ATF7IP2: variants seen among roughly 807,000 people sequenced by gnomAD.
The protein encoded by ATF7IP2 is activating transcription factor 7-interacting protein 2.
ATF7IP2 carries 42 observed loss-of-function variants against 64.2 expected under a neutral mutation model. That is an observed-to-expected ratio of 0.65 (90% CI 0.51 to 0.85). The LOEUF is 0.85. Among genes scored for constraint, ATF7IP2 ranks in the 40% least tolerant of loss-of-function variants. The pLI, the probability that ATF7IP2 is intolerant of heterozygous loss-of-function variation, is 0.00. For missense variants in ATF7IP2, 933 were observed against 784.2 expected (o/e 1.19, Z -2.27); for synonymous variants, 308 against 272.8 (o/e 1.13, Z -1.27).
intron 3 of ATF7IP2, among the ~76,000 whole-genome samples, chr16:10,420,455 C>A (rs138202413): frequency 6.6e-6 from 1 of 152,216 alleles, no homozygotes. Flanking sequence ...AGTTGGGCAT[C>A]GCTGGATAAT....
chr16:10,439,809 C>A (rs1353816541), intron 7 of ATF7IP2, among the ~76,000 whole-genome samples: 4 of 149,544 alleles, frequency 2.7e-5, no homozygotes, highest in South Asian at 2.2e-4. Flanking sequence ...GCTGGAATTA[C>A]AGGCGTGAGC....
chr16:10,389,522 C>G (rs1315244996), intron 1 of ATF7IP2, among the ~76,000 whole-genome samples: 1 of 152,102 alleles, frequency 6.6e-6, no homozygotes, highest in Non-Finnish European at 1.5e-5. Flanking sequence ...CCCCTACCAT[C>G]CAATTAAAAT....
chr16:10,417,710 T>A (rs2047907522), intron 2 of ATF7IP2, among the ~76,000 whole-genome samples: 1 of 152,120 alleles, frequency 6.6e-6, no homozygotes, highest in Non-Finnish European at 1.5e-5. Flanking sequence ...GGACCCACAA[T>A]AGCCAAAACA....
At chr16:10,448,247 C>T (rs956701874) in intron 8 of ATF7IP2, 9 of 152,178 alleles carry the variant, frequency 5.9e-5, no homozygotes, top group African/African-American at 1.9e-4. Flanking sequence ...ACTGTCTTGG[C>T]TATATGGGCT....
chr16:10,455,848 T>A (rs2049145727), intron 8 of ATF7IP2, among the ~76,000 whole-genome samples: 1 of 152,120 alleles, frequency 6.6e-6, no homozygotes, highest in South Asian at 2.1e-4. Context: ...AGGATACATG[T>A]TATTGGAAAC....
In ATF7IP2 at chr16:10,431,359, G is replaced by A; in HGVS notation, c.739G>A (p.Asp247Asn). The A allele has an allele frequency of 1.2e-6, 2 of 1,614,176 alleles. No homozygotes were observed. The highest frequency in any genetic ancestry group is 3.3e-5 in the Admixed American group (2 of 60,024). ...NSVTSNNCAD[D>N]ILKTDECSRT... ...AGTCACTTCTAACAACTGTGCTGAT[G>A]ACATTTTGAAAACTGATGAGTGTAG... Residue 247 changes from aspartate to asparagine, a missense_variant, in exon 5 of 14, where the codon GAC (aspartate) becomes AAC (asparagine). By Grantham distance (23) the Asp-to-Asn change is conservative (BLOSUM62 1). Transcript: ENST00000562102.
At chr16:10,399,532 A>G (rs773469358) in intron 1 of ATF7IP2, among the ~76,000 whole-genome samples, 1 of 152,168 alleles carries the variant, frequency 6.6e-6, no homozygotes, top group Non-Finnish European at 1.5e-5. Context: ...TTCTCTGTTC[A>G]GTTGATCTGT....
intron 4 of ATF7IP2, among the ~76,000 whole-genome samples, chr16:10,429,542 G>A (rs999186633): frequency 2.0e-5 from 3 of 151,972 alleles, no homozygotes; most frequent in Admixed American, 1.3e-4. Flanking sequence ...TAGAGATGGC[G>A]TTTTGCCCTG....
intron 1 of ATF7IP2, among the ~76,000 whole-genome samples, chr16:10,402,928 A>C (rs999027909): frequency 6.6e-6 from 1 of 150,948 alleles, no homozygotes; most frequent in African/African-American, 2.4e-5. Flanking sequence ...AAAAATGTTG[A>C]GTCTTGTTTT....
chr16:10,425,899 A>G (rs2048076133), intron 3 of ATF7IP2, among the ~76,000 whole-genome samples: 1 of 152,182 alleles, frequency 6.6e-6, no homozygotes, highest in Admixed American at 6.5e-5. Flanking sequence ...ATCTCAAAAA[A>G]AAAAAAAGTT....
At chr16:10,386,401 C>G (rs1235949798) in intron 1 of ATF7IP2, 1 of 152,356 alleles carries the variant, frequency 6.6e-6, no homozygotes, top group African/African-American at 2.4e-5. Flanking sequence ...CCGGGCGGCA[C>G]TGGGGTTAGG....
At chr16:10,423,481 C>G (rs957501240) in intron 3 of ATF7IP2, among the ~76,000 whole-genome samples, 2 of 152,140 alleles carry the variant, frequency 1.3e-5, no homozygotes, top group African/African-American at 4.8e-5. Context: ...ACTGCCAAGC[C>G]TCTATATCAC....
intron 8 of ATF7IP2, 91 bp from the exon 9 acceptor site, chr16:10,457,281 A>C (rs757903803): frequency 9.0e-7 from 1 of 1,115,672 alleles, no homozygotes; most frequent in Non-Finnish European, 1.3e-6. Flanking sequence ...TGCCATATGT[A>C]TGCAAGAATA....
At chr16:10,427,908 A>C (rs936016130) in intron 3 of ATF7IP2, among the ~76,000 whole-genome samples, 1 of 152,144 alleles carries the variant, frequency 6.6e-6, no homozygotes, top group African/African-American at 2.4e-5. Context: ...AAATGATCAG[A>C]TAAACAAATT....
chr16:10,387,221 A>G (rs1312860459), intron 1 of ATF7IP2: 1 of 152,258 alleles, frequency 6.6e-6, no homozygotes. Context: ...TATCACAGGA[A>G]AGCAATTGAA....
At chr16:10,473,724 T>G (rs1009263099) in intron 11 of ATF7IP2, among the ~76,000 whole-genome samples, 190 bp downstream of exon 11, 4 of 152,208 alleles carry the variant, frequency 2.6e-5, no homozygotes, top group African/African-American at 9.6e-5. Flanking sequence ...CTTAGTCATA[T>G]TCTCAGAAAC....
intron 3 of ATF7IP2, among the ~76,000 whole-genome samples, chr16:10,420,807 C>T (rs996676957): frequency 6.6e-6 from 1 of 152,158 alleles, no homozygotes; most frequent in Non-Finnish European, 1.5e-5. Context: ...CAGTCAATAC[C>T]TCAATTACAG....
Position 10,483,022 on chromosome 16 carries a change from A to AAAG in ATF7IP2, c.*775_*777dup, listed in dbSNP as rs2050293252. On this transcript the variant is annotated 3_prime_UTR_variant, in exon 14 of 14. Coordinates refer to ENST00000562102, the MANE Select transcript of ATF7IP2 (RefSeq NM_001393719.1). Reference sequence around the variant, plus strand: ...AGCCACCATGCCTGGCCAAAAATTAAAAGATTTTATGAAACGAAATGGCTT... The same window carrying AAAG: ...AGCCACCATGCCTGGCCAAAAATTAAAAGAAGATTTTATGAAACGAAATGGCTT... 1 of 152,212 alleles carries AAAG rather than the reference A, an allele frequency of 6.6e-6. No homozygotes were observed. Among genetic ancestry groups the AAAG allele is most frequent in the African/African-American group, 2.4e-5 (1 of 41,450 alleles). 9.4% of individuals were successfully genotyped at this position (152,212 alleles called of 1,614,324 possible).
chr16:10,470,827 ATATATATATATGTGTGTGTATATATATG>A (rs1414130133), intron 9 of ATF7IP2, among the ~76,000 whole-genome samples: 2 of 139,902 alleles, frequency 1.4e-5, no homozygotes, highest in African/African-American at 5.9e-5. Context: ...GTGTGTGTAT[ATATATATATATGTGTGTGTATATATATG>A]TGTGTGTGTG....
Sources: allele counts gnomAD v4.1 joint callset (sites outside exome capture counted in the v4.1 genomes callset), GRCh38; gene constraint gnomAD v4.1.1; transcripts MANE v1.5; gene names NCBI Gene and HGNC (gene_info 2026-07-23, HGNC 2026-07-21).